Variants in ATP11A observed in about 807,000 individuals in gnomAD.
ATP11A encodes phospholipid-transporting ATPase IH.
ATP11A carries 81 observed loss-of-function variants against 154.4 expected under a neutral mutation model. The ratio of observed to expected loss-of-function variants is 0.52; its 90% CI spans 0.44 to 0.63. ATP11A has a LOEUF of 0.63. ATP11A is among the 30% of genes least tolerant of loss of function. The pLI is 0.00. For missense variants in ATP11A, 1,316 were observed against 1,474.3 expected (o/e 0.89, Z 1.76); for synonymous variants, 623 against 585.9 (o/e 1.06, Z -0.91).
rs1009914512 is a variant in ATP11A at position 112,807,243 on chromosome 13, A to G, written c.333+950A>G. ...ACATCTGACACAGGCAGAGATGGGG[A>G]CACACAGGGTCCAGTGCAGATGATA... On this transcript the variant is annotated intron_variant, in intron 4 of 29. Coordinates refer to ENST00000375645, the MANE Select transcript of ATP11A (RefSeq NM_015205.3). This position sits in a 1 kb window ranked among gnomAD's most constrained non-coding sequence, Gnocchi z 4.5. Among the ~76,000 whole-genome samples the G allele has an allele frequency of 5.9e-5, 9 of 152,224 alleles. No homozygotes were observed. Among genetic ancestry groups the G allele is most frequent in the East Asian group, 1.9e-4 (1 of 5,186 alleles).
intron 15 of ATP11A, among the ~76,000 whole-genome samples, chr13:112,835,534 G>A (rs966136664): frequency 1.3e-5 from 2 of 152,204 alleles, no homozygotes; most frequent in Non-Finnish European, 2.9e-5. Context: ...AGCCGTGGAG[G>A]TAGTGAGGTC....
chr13:112,717,708 C>T (rs188203128), intron 1 of ATP11A: 6 of 152,304 alleles, frequency 3.9e-5, no homozygotes, highest in East Asian at 1.9e-4. Context: ...AAGTTATGGT[C>T]GTAGGTGAGA....
intron 2 of ATP11A, among the ~76,000 whole-genome samples, chr13:112,791,058 G>T (rs544002919): frequency 8.3e-4 from 126 of 152,296 alleles, no homozygotes; most frequent in African/African-American, 2.7e-3. Context: ...TTACAAAGTC[G>T]ACGCAGTCTC....
chr13:112,732,559 A>G (rs554337466), intron 1 of ATP11A, among the ~76,000 whole-genome samples: 1 of 152,312 alleles, frequency 6.6e-6, no homozygotes, highest in South Asian at 2.1e-4. Context: ...TTGAGAATAA[A>G]AATAAAAGCA....
intron 1 of ATP11A, among the ~76,000 whole-genome samples, chr13:112,756,832 C>A (rs531078605): frequency 2.0e-5 from 3 of 151,612 alleles, no homozygotes; most frequent in Non-Finnish European, 4.4e-5. Context: ...GCTCCCAGCA[C>A]GGGGCCTGCT....
intron 1 of ATP11A, among the ~76,000 whole-genome samples, chr13:112,783,705 C>T (rs752742386): frequency 3.3e-5 from 5 of 152,238 alleles, no homozygotes; most frequent in Non-Finnish European, 5.9e-5. Flanking sequence ...ACGCTAAGGC[C>T]CCGTATTCCG....
chr13:112,876,770 G>A (rs2080739612), intron 28 of ATP11A, among the ~76,000 whole-genome samples: 1 of 152,234 alleles, frequency 6.6e-6, no homozygotes, highest in Non-Finnish European at 1.5e-5. Context: ...GTGGGAGGAA[G>A]ACGGGGAGTG....
At chr13:112,768,935 T>G (rs1433359217) in intron 1 of ATP11A, among the ~76,000 whole-genome samples, 1 of 152,220 alleles carries the variant, frequency 6.6e-6, no homozygotes, top group Non-Finnish European at 1.5e-5. Flanking sequence ...CTCTCTTGTC[T>G]TCACCTGCAG....
chr13:112,844,113 C>T (rs978401858), intron 17 of ATP11A, among the ~76,000 whole-genome samples: 9 of 152,156 alleles, frequency 5.9e-5, no homozygotes, highest in African/African-American at 1.9e-4. Context: ...TTTCCAATAG[C>T]GCGAGGCTGT....
In ATP11A at chr13:112,825,507, T is replaced by C. The variant is rs2078909948; in HGVS notation, c.950T>C (p.Met317Thr). The C allele has an allele frequency of 1.2e-6, 2 of 1,613,946 alleles. No homozygotes were observed. The highest frequency in any genetic ancestry group is 1.7e-6 in the Non-Finnish European group (2 of 1,179,874). ...CTGATAAACACTGTGCTGAAATACATGTGGCAGAGTGAGCCCTTTCGGGAT... is the reference window on the plus strand; with the variant it reads ...CTGATAAACACTGTGCTGAAATACACGTGGCAGAGTGAGCCCTTTCGGGAT... ...KALINTVLKYMWQSEPFRDEP... is the reference protein window; with the variant it reads ...KALINTVLKYTWQSEPFRDEP... The change falls in exon 11 of 30, where the codon ATG (methionine) becomes ACG (threonine). Residue 317 changes from methionine to threonine, a missense_variant. This residue lies in a region of ATP11A where 876 missense variants were observed against 1,006.8 expected (regional missense o/e 0.87). Transcript: ENST00000375645.
Position 112,857,859 on chromosome 13 carries a change from G to T in ATP11A, c.2460G>T (p.Thr820=), listed in dbSNP as rs145970663. ...AATTTTCAAAAGAGCACCCAATCAC[G>T]TTAGCAATTGGCGATGGTGCAAATG... ...LIKFSKEHPI[T]LAIGDGANDV... Residue 820 remains threonine, a synonymous_variant, in exon 21 of 30, where the codon ACG becomes ACT. Coordinates refer to ENST00000375645, the MANE Select transcript of ATP11A (RefSeq NM_015205.3). The T allele has an allele frequency of 3.7e-6, 6 of 1,614,168 alleles. No homozygotes were observed. The highest frequency in any genetic ancestry group is 5.1e-6 in the Non-Finnish European group (6 of 1,180,006).
intron 28 of ATP11A, among the ~76,000 whole-genome samples, chr13:112,877,854 G>A (rs1257486415): frequency 2.6e-5 from 4 of 152,194 alleles, no homozygotes; most frequent in African/African-American, 9.7e-5. Context: ...AGGATGGGTG[G>A]GCACTTTGGG....
chr13:112,712,912 CTT>C (rs1451051323), intron 1 of ATP11A, among the ~76,000 whole-genome samples: 2 of 152,210 alleles, frequency 1.3e-5, no homozygotes, highest in African/African-American at 4.8e-5. Flanking sequence ...GAGGTGAGGG[CTT>C]TCTTTTTATA....
At chr13:112,813,506 C>T (rs893791119) in intron 5 of ATP11A, among the ~76,000 whole-genome samples, 1 of 152,224 alleles carries the variant, frequency 6.6e-6, no homozygotes, top group Non-Finnish European at 1.5e-5. Context: ...TCACCATTCA[C>T]AAGTTGAAGG....
At chr13:112,693,640 C>G (rs1317295822) in intron 1 of ATP11A, among the ~76,000 whole-genome samples, 1 of 151,982 alleles carries the variant, frequency 6.6e-6, no homozygotes, top group Non-Finnish European at 1.5e-5. Context: ...AGTTTGACCT[C>G]CATGACGTAA....
At position 112,738,348 on chromosome 13, in the gene ATP11A, G is replaced by A. The variant is rs569934981; in HGVS notation, c.40-46787G>A. ...AGATCACGCCACGGCACTCCAACCT[G>A]GACGACAAGAGTGAAACACCGTCTC... On this transcript the variant is annotated intron_variant, in intron 1 of 29. Transcript: ENST00000375645. Among the ~76,000 whole-genome samples, 34 of 151,152 alleles carry A rather than the reference G, an allele frequency of 2.2e-4. No individual in the cohort carries two copies. The Middle Eastern group carries it at 0.01, about 45-fold the overall frequency.
intron 25 of ATP11A, among the ~76,000 whole-genome samples, chr13:112,868,806 C>T (rs1387132609): frequency 6.6e-6 from 1 of 152,090 alleles, no homozygotes; most frequent in Non-Finnish European, 1.5e-5. Flanking sequence ...TTAATCGAGC[C>T]ACAGTTCTGC....
rs563460223 is a variant in ATP11A, at chr13:112,785,484, G to C, written c.162+227G>C. 1.2e-3 allele frequency among the ~76,000 whole-genome samples: 190 copies of C among 152,180 alleles called. No homozygotes were observed. The highest frequency in any genetic ancestry group is 0.01 in the Middle Eastern group (3 of 294). ...CCACCTGCCCAGGGCTCACAGCGCAGTGTCTCCATTCTCGGGTGACCGTGC... is the reference window on the plus strand; with the variant it reads ...CCACCTGCCCAGGGCTCACAGCGCACTGTCTCCATTCTCGGGTGACCGTGC... On this transcript the variant is annotated intron_variant, in intron 2 of 29. Coordinates refer to ENST00000375645, the MANE Select transcript of ATP11A (RefSeq NM_015205.3). This position sits in a 1 kb window ranked among gnomAD's most constrained non-coding sequence, Gnocchi z 4.8.
At chr13:112,780,333 T>C (rs1430496232) in intron 1 of ATP11A, among the ~76,000 whole-genome samples, 1 of 152,108 alleles carries the variant, frequency 6.6e-6, no homozygotes, top group Non-Finnish European at 1.5e-5. Flanking sequence ...CAGAAGGTTT[T>C]CACCCCCGGG....
Sources: allele counts gnomAD v4.1 joint callset (sites outside exome capture counted in the v4.1 genomes callset), GRCh38; gene constraint gnomAD v4.1.1; regional missense constraint gnomAD v4.1.1; non-coding constraint Gnocchi (gnomAD v3.1); transcripts MANE v1.5; gene names NCBI Gene and HGNC (gene_info 2026-07-23, HGNC 2026-07-21).